The following TMTC3 variants were observed in gnomAD, a reference collection of about 807,000 sequenced individuals.
TMTC3 encodes the protein protein O-mannosyl-transferase TMTC3.
Under a neutral mutation model 92.2 loss-of-function variants are expected in TMTC3, and 52 were observed. The ratio of observed to expected loss-of-function variants is 0.56; its 90% CI spans 0.45 to 0.71. The LOEUF is 0.71. Ranked by LOEUF, TMTC3 falls within the 30% of genes least tolerant of loss-of-function variation. The pLI, the probability that TMTC3 is intolerant of heterozygous loss-of-function variation, is 0.00. For synonymous variants in TMTC3, 339 were observed against 363.3 expected, an observed-to-expected ratio of 0.93 and a Z score of 0.76; for missense variants, 896 against 1,057.1, an observed-to-expected ratio of 0.85 and a Z score of 2.11.
chr12:88,147,404 T>A (rs2040888864), intron 1 of TMTC3, among the ~76,000 whole-genome samples: 1 of 152,176 alleles, frequency 6.6e-6, no homozygotes, highest in Non-Finnish European at 1.5e-5. Flanking sequence ...ACTTGATTTT[T>A]ACCTACCCAA....
chr12:88,181,719 A>C (rs1351925522), intron 10 of TMTC3, among the ~76,000 whole-genome samples: 1 of 152,190 alleles, frequency 6.6e-6, no homozygotes, highest in African/African-American at 2.4e-5. Flanking sequence ...CAGAGTCATT[A>C]ACAATATTGA....
At chr12:88,162,276 C>T (rs1394881516) in intron 6 of TMTC3, among the ~76,000 whole-genome samples, 1 of 152,026 alleles carries the variant, frequency 6.6e-6, no homozygotes, top group Non-Finnish European at 1.5e-5. Context: ...TTCCTGTTTA[C>T]CATTGTTTCT....
rs570944419 is a variant in TMTC3, at chr12:88,184,513, C to T, written c.1433-4330C>T. 3.3e-5 allele frequency among the ~76,000 whole-genome samples: 5 copies of T among 152,318 alleles called. No homozygotes were observed. In the East Asian group the frequency reaches 9.7e-4, roughly 29 times the overall value. ...CCTATAACTTTTTCTTACAACTTTT[C>T]CCACCACCCTGACCAAACTCCTACA... On this transcript the variant is annotated intron_variant, in intron 10 of 13. Transcript: ENST00000266712.
At chr12:88,158,156 T>C (rs1372228275) in intron 4 of TMTC3, among the ~76,000 whole-genome samples, 1 of 152,224 alleles carries the variant, frequency 6.6e-6, no homozygotes, top group African/African-American at 2.4e-5. Context: ...AGTGAAATAA[T>C]ATATGCCAAA....
rs187744864 is a variant in TMTC3 at position 88,153,729 on chromosome 12, A to G, written c.408+220A>G. ...TTTTTAAATTTAACATTTTTGAAAC[A>G]TAAACATTTTTCATTCAATAATATA... On this transcript the variant is annotated intron_variant, in intron 3 of 13. Transcript: ENST00000266712. Among the ~76,000 whole-genome samples, 15 of 152,232 alleles carry G rather than the reference A, an allele frequency of 9.9e-5. No homozygotes were observed. In the East Asian group the frequency reaches 1.9e-3, roughly 20 times the overall value.
chr12:88,183,251 A>T (rs2041338177), intron 10 of TMTC3, among the ~76,000 whole-genome samples: 1 of 152,214 alleles, frequency 6.6e-6, no homozygotes, highest in African/African-American at 2.4e-5. Context: ...AGTGGCCATT[A>T]TTAGAAAGAG....
chr12:88,166,415 T>C lies in TMTC3; in HGVS notation c.883T>C (p.Leu295=), dbSNP rs781386456. Residue 295 remains leucine (L), a synonymous_variant, in exon 7 of 14, where the codon TTA becomes CTA. Transcript: ENST00000266712. The part of the protein sequence containing the change: ...YLLPVNAWLL[L]NPSELCCDWT... The stretch of plus-strand genomic sequence containing the variant: ...CCTTCCTGTGAATGCTTGGTTGTTA[T>C]TAAATCCTTCAGAGCTCTGCTGTGA... 12 of 1,613,908 alleles carry C rather than the reference T, an allele frequency of 7.4e-6. No homozygotes were observed. The highest frequency in any genetic ancestry group is 1.6e-4 in the Middle Eastern group (1 of 6,080).
In TMTC3 at chr12:88,195,541, CGAA is replaced by C; in HGVS notation, c.2640_2642del (p.Glu881del). The C allele has an allele frequency of 6.2e-7, 1 of 1,612,666 alleles. No homozygotes were observed. Among genetic ancestry groups the C allele is most frequent in the Non-Finnish European group, 8.5e-7 (1 of 1,179,508 alleles). ...ACAAACAATTAGGAAAAAATGGAGACGAAGAGACACCCCACAAAACAACAAAAG... is the reference window on the plus strand; with the variant it reads ...ACAAACAATTAGGAAAAAATGGAGACGAGACACCCCACAAAACAACAAAAG... On this transcript the variant is annotated inframe_deletion, in exon 14 of 14. Transcript: ENST00000266712.
At chr12:88,149,601 A>AT (rs1423587097) in intron 2 of TMTC3, among the ~76,000 whole-genome samples, 1 of 152,170 alleles carries the variant, frequency 6.6e-6, no homozygotes, top group Non-Finnish European at 1.5e-5. Context: ...TGGCACATAG[A>AT]TATTGAATAA....
chr12:88,181,206 G>A (rs1223264684), intron 10 of TMTC3, among the ~76,000 whole-genome samples: 1 of 152,148 alleles, frequency 6.6e-6, no homozygotes, highest in African/African-American at 2.4e-5. Context: ...ATAACATATT[G>A]GGAGGACTCT....
intron 10 of TMTC3, among the ~76,000 whole-genome samples, chr12:88,186,842 G>T (rs1223419667): frequency 2.0e-5 from 3 of 151,898 alleles, no homozygotes; most frequent in Admixed American, 2.0e-4. Context: ...TCTGCTCTTT[G>T]AAAACATAGG....
chr12:88,181,139 T>A (rs1045552980), intron 10 of TMTC3, among the ~76,000 whole-genome samples: 15 of 152,192 alleles, frequency 9.9e-5, no homozygotes, highest in Non-Finnish European at 1.6e-4. Context: ...CAGACCATTA[T>A]CAGTTTTAAT....
At chr12:88,181,822 T>G (rs535839273) in intron 10 of TMTC3, among the ~76,000 whole-genome samples, 1 of 152,330 alleles carries the variant, frequency 6.6e-6, no homozygotes, top group African/African-American at 2.4e-5. Flanking sequence ...GAGGGAATTA[T>G]GCAGTTTCCA....
intron 12 of TMTC3, 111 bp downstream of exon 12, chr12:88,190,733 T>G: frequency 8.4e-7 from 1 of 1,195,744 alleles, no homozygotes; most frequent in Non-Finnish European, 1.2e-6. Flanking sequence ...TTAATAATCT[T>G]ACTTAGCAAC....
chr12:88,153,925 G>A (rs1449867224), intron 3 of TMTC3, among the ~76,000 whole-genome samples: 2 of 151,674 alleles, frequency 1.3e-5, no homozygotes, highest in Non-Finnish European at 2.9e-5. Context: ...AAGAACATTC[G>A]TATTTTAAGA....
chr12:88,148,055 T>G (rs951133069), intron 1 of TMTC3, among the ~76,000 whole-genome samples: 1 of 152,152 alleles, frequency 6.6e-6, no homozygotes, highest in Non-Finnish European at 1.5e-5. Flanking sequence ...TTACTTGGCT[T>G]TATCCCGTAA....
In TMTC3 at chr12:88,196,422, C is replaced by G. The variant is rs1219865605; in HGVS notation, c.*773C>G. 1 of 151,516 alleles carries G rather than the reference C, an allele frequency of 6.6e-6. No homozygotes were observed. Among genetic ancestry groups the G allele is most frequent in the Admixed American group, 6.6e-5 (1 of 15,148 alleles). The allele number at this position is 151,516 out of a possible 1,614,324, so 9.4% of individuals were successfully genotyped here. A position where few individuals can be genotyped will look rare whatever the true frequency, so the allele number is the denominator to read the frequency against. ...ATGATTTTTTTTTTTTACTTTTACT[C>G]CCCAAATTATTCATGTTTCTTAGAT... On this transcript the variant is annotated 3_prime_UTR_variant, in exon 14 of 14. Transcript: ENST00000266712.
chr12:88,153,184 C>T, intron 2 of TMTC3, 107 bp from the exon 3 acceptor site: 1 of 619,546 alleles, frequency 1.6e-6, no homozygotes, highest in Non-Finnish European at 2.8e-6. Context: ...TGTTATTTCT[C>T]AGTAAAATGT....
intron 7 of TMTC3, among the ~76,000 whole-genome samples, chr12:88,169,962 AAAAG>A (rs1372367411): frequency 1.1e-4 from 17 of 152,076 alleles, no homozygotes; most frequent in African/African-American, 2.9e-4. Flanking sequence ...GAAGAAGAAA[AAAAG>A]AAAGAAAGAC....
Sources: allele counts gnomAD v4.1 joint callset (sites outside exome capture counted in the v4.1 genomes callset), GRCh38; gene constraint gnomAD v4.1.1; transcripts MANE v1.5; gene names NCBI Gene and HGNC (gene_info 2026-07-23, HGNC 2026-07-21).